Variants in CHN1 observed in about 807,000 individuals in gnomAD.
CHN1 encodes chimerin 1, also known as N-chimaerin.
CHN1 carries 37 observed loss-of-function variants against 59.5 expected under a neutral mutation model. The ratio of observed to expected loss-of-function variants is 0.62; its 90% CI spans 0.48 to 0.82. The LOEUF is 0.82. CHN1 is among the 40% of genes least tolerant of loss of function. The pLI is 0.00. For missense variants in CHN1, 469 were observed against 571.0 expected, an observed-to-expected ratio of 0.82 and a Z score of 1.82; for synonymous variants, 206 against 200.4, an observed-to-expected ratio of 1.03 and a Z score of -0.24.
chr2:174,842,788 T>G (rs989249805), intron 7 of CHN1, among the ~76,000 whole-genome samples: 13 of 152,222 alleles, frequency 8.5e-5, no homozygotes, highest in Admixed American at 5.9e-4. Context: ...AGTAATTTTA[T>G]TAACTATTAT....
At chr2:174,819,318 C>T (rs1685397168) in intron 8 of CHN1, among the ~76,000 whole-genome samples, 1 of 152,194 alleles carries the variant, frequency 6.6e-6, no homozygotes, top group South Asian at 2.1e-4. Flanking sequence ...TAAATACTTA[C>T]AGTTTATTAT....
chr2:174,854,686 G>A (rs1475623536), intron 6 of CHN1, among the ~76,000 whole-genome samples: 1 of 152,040 alleles, frequency 6.6e-6, no homozygotes, highest in African/African-American at 2.4e-5. Context: ...GAATTATTAG[G>A]AATCAAATGA....
intron 8 of CHN1, among the ~76,000 whole-genome samples, chr2:174,820,277 T>C (rs888140706): frequency 4.6e-5 from 7 of 152,186 alleles, no homozygotes; most frequent in Non-Finnish European, 1.0e-4. Context: ...TAGTTTACAG[T>C]CCCACCAACA....
intron 7 of CHN1, among the ~76,000 whole-genome samples, chr2:174,829,778 C>G (rs924682609): frequency 2.6e-5 from 4 of 152,130 alleles, no homozygotes; most frequent in African/African-American, 9.7e-5. Context: ...TTCTCCAGCA[C>G]AGTGTTGGGT....
chr2:174,842,711 G>T (rs1194218893), intron 7 of CHN1, among the ~76,000 whole-genome samples: 2 of 152,182 alleles, frequency 1.3e-5, no homozygotes, highest in Non-Finnish European at 2.9e-5. Context: ...AGACAGCACA[G>T]TGTCCAGTCT....
At chr2:174,802,047 C>T (rs756725102) in intron 11 of CHN1, 27 of 381,278 alleles carry the variant, frequency 7.1e-5, no homozygotes, top group Non-Finnish European at 1.2e-4. Context: ...GAGGGAACAT[C>T]CAGTTTTGTC....
At chr2:174,959,587 T>C (rs1690334201) in intron 1 of CHN1, among the ~76,000 whole-genome samples, 1 of 152,094 alleles carries the variant, frequency 6.6e-6, no homozygotes, top group Non-Finnish European at 1.5e-5. Flanking sequence ...GATTCAAAAT[T>C]AAAGAGTTCT....
At chr2:174,927,730 T>C (rs1018045878) in intron 3 of CHN1, among the ~76,000 whole-genome samples, 10 of 152,218 alleles carry the variant, frequency 6.6e-5, no homozygotes, top group African/African-American at 1.7e-4. Flanking sequence ...TGTTCTTGCC[T>C]ACAGTGGTAG....
intron 5 of CHN1, among the ~76,000 whole-genome samples, chr2:174,879,600 A>G (rs533040869): frequency 9.2e-5 from 14 of 152,344 alleles, no homozygotes; most frequent in African/African-American, 3.1e-4. Flanking sequence ...GTTAAATATA[A>G]AAGTTTTTCA....
chr2:174,909,149 C>A (rs1463489892), intron 5 of CHN1, among the ~76,000 whole-genome samples: 1 of 152,110 alleles, frequency 6.6e-6, no homozygotes, highest in Admixed American at 6.5e-5. Context: ...TTGACCAGAG[C>A]TAAAATATTT....
chr2:174,808,861 G>A (rs748110060), intron 11 of CHN1, 44 bp downstream of exon 11: 1 of 1,602,946 alleles, frequency 6.2e-7, no homozygotes, highest in Non-Finnish European at 8.5e-7. Flanking sequence ...TGATTACCAA[G>A]AGGACGTTGT....
chr2:174,871,466 T>C (rs558905220), intron 6 of CHN1, among the ~76,000 whole-genome samples: 2 of 152,298 alleles, frequency 1.3e-5, no homozygotes, highest in African/African-American at 4.8e-5. Flanking sequence ...GTCATTTATG[T>C]AGTCAGTCAA....
chr2:174,823,715 T>C (rs1017853239), intron 8 of CHN1, among the ~76,000 whole-genome samples: 1 of 152,128 alleles, frequency 6.6e-6, no homozygotes, highest in South Asian at 2.1e-4. Context: ...CAGTATTCAG[T>C]ATAGTTGCTC....
At chr2:175,003,746 A>G (rs1221118310) in intron 1 of CHN1, among the ~76,000 whole-genome samples, 1 of 152,246 alleles carries the variant, frequency 6.6e-6, no homozygotes, top group Non-Finnish European at 1.5e-5. Flanking sequence ...CAGTAAACAC[A>G]GTCCCAGACT....
intron 3 of CHN1, among the ~76,000 whole-genome samples, chr2:174,940,668 G>A (rs1689631439): frequency 6.6e-6 from 1 of 152,018 alleles, no homozygotes; most frequent in African/African-American, 2.4e-5. Context: ...ATATTATACA[G>A]GTGATACCGT....
At position 174,912,276 on chromosome 2, in the gene CHN1, GT is replaced by G. The variant is rs528574759; in HGVS notation, c.260+2781del. Among the ~76,000 whole-genome samples, 167 of 152,258 alleles carry G rather than the reference GT, an allele frequency of 1.1e-3. 1 individual carries two copies. The highest frequency in any genetic ancestry group is 3.6e-3 in the African/African-American group (148 of 41,540). ...TATTTGATACGAAGTATAGTGTGTA[GT>G]ATAATGTAAGGTAGGGGCCTCTGGA... On this transcript the variant is annotated intron_variant, in intron 5 of 12. Coordinates refer to ENST00000409900, the MANE Select transcript of CHN1 (RefSeq NM_001822.7).
At chr2:174,993,965 T>C (rs1321349095) in intron 1 of CHN1, among the ~76,000 whole-genome samples, 1 of 152,212 alleles carries the variant, frequency 6.6e-6, no homozygotes, top group Non-Finnish European at 1.5e-5. Context: ...AAAGATTATG[T>C]TGTTTTTATT....
intron 7 of CHN1, among the ~76,000 whole-genome samples, chr2:174,830,941 CTG>C (rs999495296): frequency 5.3e-5 from 8 of 152,116 alleles, no homozygotes; most frequent in African/African-American, 4.8e-5. Flanking sequence ...AGTAAGAAAA[CTG>C]TTCAAAATTG....
chr2:174,919,764 CTTT>C (rs922113528), intron 3 of CHN1, among the ~76,000 whole-genome samples: 4 of 144,734 alleles, frequency 2.8e-5, no homozygotes, highest in African/African-American at 1.0e-4. Flanking sequence ...ACTTCACATA[CTTT>C]TTTTTTTTTG....
Sources: allele counts gnomAD v4.1 joint callset (sites outside exome capture counted in the v4.1 genomes callset), GRCh38; gene constraint gnomAD v4.1.1; transcripts MANE v1.5; gene names NCBI Gene and HGNC (gene_info 2026-07-23, HGNC 2026-07-21).